IGSF11: variants seen among roughly 807,000 people sequenced by gnomAD.
The protein encoded by IGSF11 is CXADR like 1.
IGSF11 carries 22 observed loss-of-function variants against 41.0 expected under a neutral mutation model. The ratio of observed to expected loss-of-function variants is 0.54; its 90% confidence interval spans 0.38 to 0.77. The LOEUF is 0.77. Among genes scored for constraint, IGSF11 ranks in the 30% least tolerant of loss-of-function variants. The pLI is 0.00. For missense variants in IGSF11, 444 were observed against 530.8 expected (o/e 0.84, Z 1.61); for synonymous variants, 219 against 201.3 (o/e 1.09, Z -0.74).
rs1410238217 is a variant in IGSF11 at position 119,045,908 on chromosome 3, C to T, written c.49+59236G>A. The stretch of plus-strand genomic sequence containing the variant: ...CAGTGACACCTCACACTCCAGGGTA[C>T]TCCAACAGACCTGCAGCTGAGGGTC... On this transcript the variant is annotated intron_variant, in intron 1 of 6. Coordinates refer to the IGSF11 transcript ENST00000354673. 2.3e-3 allele frequency among the ~76,000 whole-genome samples: 354 copies of T among 151,798 alleles called. 1 individual carries two copies. Among genetic ancestry groups the T allele is most frequent in the South Asian group, 0.011 (53 of 4,714 alleles).
At chr3:119,049,693 C>A (rs1326744067) in intron 1 of IGSF11, among the ~76,000 whole-genome samples, 1 of 152,178 alleles carries the variant, frequency 6.6e-6, no homozygotes, top group Non-Finnish European at 1.5e-5. Context: ...ATTGACAAGT[C>A]AATCCTAAGC....
intron 1 of IGSF11, among the ~76,000 whole-genome samples, chr3:118,990,094 C>A (rs1472262698): frequency 2.0e-5 from 3 of 152,200 alleles, no homozygotes; most frequent in Non-Finnish European, 4.4e-5. Flanking sequence ...AAGAGATTCA[C>A]AGAGACTGGC....
chr3:118,939,739 T>C (rs1943540593), intron 1 of IGSF11, among the ~76,000 whole-genome samples: 1 of 152,198 alleles, frequency 6.6e-6, no homozygotes, highest in South Asian at 2.1e-4. Flanking sequence ...AGCATCTAAA[T>C]GTGCATATTA....
intron 1 of IGSF11, among the ~76,000 whole-genome samples, chr3:119,049,108 C>T (rs1190839715): frequency 1.3e-5 from 2 of 151,852 alleles, no homozygotes; most frequent in East Asian, 1.9e-4. Flanking sequence ...TGCCCTCTCT[C>T]ACCACTCCTG....
At chr3:119,084,828 G>A (rs980555901) in intron 1 of IGSF11, among the ~76,000 whole-genome samples, 7 of 152,212 alleles carry the variant, frequency 4.6e-5, no homozygotes, top group Admixed American at 2.6e-4. Context: ...GGAGCCACGA[G>A]CAGGTCCTGG....
At chr3:119,023,490 G>A (rs1939516864) in intron 1 of IGSF11, among the ~76,000 whole-genome samples, 1 of 152,006 alleles carries the variant, frequency 6.6e-6, no homozygotes, top group South Asian at 2.1e-4. Context: ...GCCTGAACCA[G>A]ATACAAAATC....
chr3:119,113,431 G>A (rs2077211665), intron 1 of IGSF11, among the ~76,000 whole-genome samples: 2 of 152,156 alleles, frequency 1.3e-5, no homozygotes, highest in Admixed American at 1.3e-4. Context: ...CCAAAACAAA[G>A]GAGCTACAGG....
chr3:118,993,699 C>T (rs1036716954), intron 1 of IGSF11, among the ~76,000 whole-genome samples: 10 of 152,050 alleles, frequency 6.6e-5, no homozygotes, highest in East Asian at 3.9e-4. Context: ...TAGTGATAAA[C>T]GCTAAAACAT....
At chr3:119,094,393 C>A (rs2076815978) in intron 1 of IGSF11, among the ~76,000 whole-genome samples, 1 of 151,476 alleles carries the variant, frequency 6.6e-6, no homozygotes. Flanking sequence ...CCACTAACAG[C>A]CAGAAAACCT....
At chr3:119,016,650 T>C (rs1938720957) in intron 1 of IGSF11, among the ~76,000 whole-genome samples, 1 of 152,198 alleles carries the variant, frequency 6.6e-6, no homozygotes, top group South Asian at 2.1e-4. Context: ...AGGGGCAGTT[T>C]TCAAAGAGCT....
At chr3:119,135,972 C>T (rs2077555646) in intron 1 of IGSF11, among the ~76,000 whole-genome samples, 1 of 152,136 alleles carries the variant, frequency 6.6e-6, no homozygotes, top group Non-Finnish European at 1.5e-5. Context: ...GACAGAAAAC[C>T]AAACACCACA....
chr3:119,082,973 G>C (rs770572449), intron 1 of IGSF11, among the ~76,000 whole-genome samples: 1 of 151,974 alleles, frequency 6.6e-6, no homozygotes, highest in Non-Finnish European at 1.5e-5. Context: ...CAATTGTCAG[G>C]GTTATGTTTT....
intron 4 of IGSF11, among the ~76,000 whole-genome samples, chr3:118,920,719 A>G (rs747253612): frequency 6.6e-6 from 1 of 152,200 alleles, no homozygotes; most frequent in African/African-American, 2.4e-5. Context: ...ATAAGAACAA[A>G]TTGACAAATC....
intron 1 of IGSF11, among the ~76,000 whole-genome samples, chr3:119,141,949 T>A (rs2077652886): frequency 6.6e-6 from 1 of 151,898 alleles, no homozygotes; most frequent in Admixed American, 6.6e-5. Flanking sequence ...GAGGAAAAGC[T>A]GGGGAGAGAG....
chr3:119,128,816 G>A (rs1457247356), intron 1 of IGSF11, among the ~76,000 whole-genome samples: 5 of 152,292 alleles, frequency 3.3e-5, no homozygotes, highest in Non-Finnish European at 5.9e-5. Context: ...ATTACTGGGT[G>A]TATTCCCAAA....
intron 1 of IGSF11, among the ~76,000 whole-genome samples, chr3:119,013,754 A>T (rs1938388846): frequency 6.6e-6 from 1 of 152,244 alleles, no homozygotes. Flanking sequence ...CCCATTTTAC[A>T]GTGGACAACG....
chr3:119,023,372 TA>T (rs1005854890), intron 1 of IGSF11, among the ~76,000 whole-genome samples: 14 of 150,362 alleles, frequency 9.3e-5, no homozygotes, highest in African/African-American at 3.2e-4. Context: ...TTCAAGATGT[TA>T]AAAAAAATAA....
chr3:118,963,738 A>C (rs553629549), intron 1 of IGSF11, among the ~76,000 whole-genome samples: 1 of 152,332 alleles, frequency 6.6e-6, no homozygotes, highest in Admixed American at 6.5e-5. Context: ...ATTTCTATTT[A>C]TCTATATATA....
intron 1 of IGSF11, among the ~76,000 whole-genome samples, chr3:119,002,290 A>G (rs1233087547): frequency 1.4e-5 from 2 of 147,348 alleles, no homozygotes; most frequent in African/African-American, 2.6e-5. Context: ...GTGTCTGTTC[A>G]TGTCCTTCAC....
Sources: gnomAD v4.1 joint callset for allele counts (sites outside exome capture counted in the v4.1 genomes callset) on GRCh38, gnomAD v4.1.1 for gene constraint, MANE v1.5 for transcripts, NCBI Gene and HGNC (gene_info 2026-07-23, HGNC 2026-07-21) for gene names.